Variants in OLA1 observed in about 807,000 individuals in gnomAD.
OLA1 encodes obg-like ATPase 1.
OLA1 carries 14 observed loss-of-function variants against 48.4 expected under a neutral mutation model. That is an observed-to-expected ratio of 0.29 (90% CI 0.19 to 0.45). The LOEUF (loss-of-function observed/expected upper bound fraction) is 0.45. Ranked by LOEUF, OLA1 falls within the 20% of genes least tolerant of loss-of-function variation. OLA1 has a pLI of 1.00. For missense variants in OLA1, 325 were observed against 467.1 expected (o/e 0.70, Z 2.80); for synonymous variants, 127 against 150.4 (o/e 0.84, Z 1.14).
chr2:174,196,705 T>C (rs762000138), intron 4 of OLA1, among the ~76,000 whole-genome samples: 14 of 152,244 alleles, frequency 9.2e-5, no homozygotes, highest in Non-Finnish European at 1.8e-4. Flanking sequence ...TGTTCAAATG[T>C]ATATGCTATG....
In OLA1 at chr2:174,247,565, C is replaced by T. The variant is rs917104240; in HGVS notation, c.1-750G>A. ...CAAAGAAAATTCCATTGTGGAACCA[C>T]CAGCAGCCAAGTCACCCTTCACACC... On this transcript the variant is annotated intron_variant, in intron 1 of 10. Coordinates refer to ENST00000284719, the MANE Select transcript of OLA1 (RefSeq NM_013341.5). 4.7e-6 allele frequency: 7 copies of T among 1,500,518 alleles called. No individual in the cohort carries two copies. In the African/African-American group the frequency reaches 9.8e-5, roughly 21 times the overall value. 93.0% of individuals were successfully genotyped at this position (1,500,518 alleles called of 1,614,324 possible). A position where few individuals can be genotyped will look rare whatever the true frequency, so the allele number is the denominator to read the frequency against.
intron 4 of OLA1, among the ~76,000 whole-genome samples, chr2:174,183,798 C>T (rs537389326): frequency 2.6e-5 from 4 of 152,276 alleles, no homozygotes; most frequent in African/African-American, 9.6e-5. Context: ...CTTGCAGAGT[C>T]CTGACCTCAA....
chr2:174,102,789 T>C (rs1685426282), intron 7 of OLA1, among the ~76,000 whole-genome samples: 1 of 152,230 alleles, frequency 6.6e-6, no homozygotes, highest in Non-Finnish European at 1.5e-5. Flanking sequence ...TTGTCTACAG[T>C]GGTAAATGCA....
At chr2:174,081,792 T>C in intron 8 of OLA1, 132 bp downstream of exon 8, 2 of 862,826 alleles carry the variant, frequency 2.3e-6, no homozygotes, top group Non-Finnish European at 3.6e-6. Context: ...TGTCTCATGG[T>C]AAAGAAAGGA....
At chr2:174,096,917 G>A (rs1222951014) in intron 7 of OLA1, among the ~76,000 whole-genome samples, 1 of 152,176 alleles carries the variant, frequency 6.6e-6, no homozygotes, top group Admixed American at 6.5e-5. Flanking sequence ...CAGCACTTTG[G>A]GAAGCCAAGG....
At chr2:174,210,232 T>C (rs1367287299) in intron 4 of OLA1, among the ~76,000 whole-genome samples, 1 of 152,182 alleles carries the variant, frequency 6.6e-6, no homozygotes, top group East Asian at 1.9e-4. Context: ...CTGTACAACA[T>C]ACATGTGCTA....
chr2:174,195,954 A>C (rs1687869980), intron 4 of OLA1, among the ~76,000 whole-genome samples: 1 of 152,168 alleles, frequency 6.6e-6, no homozygotes, highest in South Asian at 2.1e-4. Flanking sequence ...AAATAATGTC[A>C]ATATACTAGT....
chr2:174,214,396 A>T (rs1688315166), intron 4 of OLA1, among the ~76,000 whole-genome samples: 1 of 152,186 alleles, frequency 6.6e-6, no homozygotes, highest in Non-Finnish European at 1.5e-5. Context: ...CATTATTATA[A>T]TTGTAAGTTG....
intron 7 of OLA1, among the ~76,000 whole-genome samples, chr2:174,110,033 G>A (rs963157660): frequency 6.6e-6 from 1 of 150,388 alleles, no homozygotes; most frequent in East Asian, 2.0e-4. Flanking sequence ...TTTAGCTCCC[G>A]CTTATAAGTG....
chr2:174,244,345 G>A (rs1473569928), intron 2 of OLA1, among the ~76,000 whole-genome samples: 2 of 152,128 alleles, frequency 1.3e-5, no homozygotes, highest in Admixed American at 6.5e-5. Flanking sequence ...ACACTGGGAG[G>A]GGAAAGCATT....
chr2:174,216,936 T>C (rs1178554575), intron 4 of OLA1, among the ~76,000 whole-genome samples: 1 of 152,234 alleles, frequency 6.6e-6, no homozygotes, highest in Non-Finnish European at 1.5e-5. Context: ...TGTGTGTTAA[T>C]AGTTTATATT....
At chr2:174,226,628 T>A (rs1021212167) in intron 3 of OLA1, among the ~76,000 whole-genome samples, 7 of 152,072 alleles carry the variant, frequency 4.6e-5, no homozygotes, top group Non-Finnish European at 8.8e-5. Flanking sequence ...GCCTCCTGAG[T>A]AGCTGGGATT....
chr2:174,152,610 G>C lies in OLA1; in HGVS notation c.374-10610C>G, dbSNP rs190762412. 1.3e-3 allele frequency among the ~76,000 whole-genome samples: 196 copies of C among 152,252 alleles called. 3 individuals are homozygous for C. Among genetic ancestry groups the C allele is most frequent in the African/African-American group, 3.9e-3 (164 of 41,554 alleles). Reference sequence around the variant, plus strand: ...TCAGAGTTTGAAACAAATGAAAAGAGTCGTATTAATCAGTGAATATATATT... The same window carrying C: ...TCAGAGTTTGAAACAAATGAAAAGACTCGTATTAATCAGTGAATATATATT... On this transcript the variant is annotated intron_variant, in intron 4 of 10. Coordinates refer to ENST00000284719, the MANE Select transcript of OLA1 (RefSeq NM_013341.5).
At position 174,078,945 on chromosome 2, in the gene OLA1, C is replaced by T. The variant is rs1220847636; in HGVS notation, c.1089+23G>A. 3.2e-6 allele frequency: 5 copies of T among 1,587,122 alleles called. 1 individual carries two copies. In the South Asian group the frequency reaches 5.8e-5, roughly 18 times the overall value. On this transcript the variant is annotated intron_variant, in intron 10 of 10. Coordinates refer to ENST00000284719, the MANE Select transcript of OLA1 (RefSeq NM_013341.5). Reference sequence around the variant, plus strand: ...GCATCAGTGGAAACATTGTGAAATACAAAAATAAAAACAATTCTTTACCTT... The same window carrying T: ...GCATCAGTGGAAACATTGTGAAATATAAAAATAAAAACAATTCTTTACCTT...
intron 10 of OLA1, among the ~76,000 whole-genome samples, chr2:174,078,152 T>C (rs147756508): frequency 6.6e-6 from 1 of 152,106 alleles, no homozygotes; most frequent in East Asian, 1.9e-4. Flanking sequence ...AAAGTAAACC[T>C]GAAATAAACT....
chr2:174,212,604 A>G (rs1212328411), intron 4 of OLA1, among the ~76,000 whole-genome samples: 1 of 152,230 alleles, frequency 6.6e-6, no homozygotes, highest in Non-Finnish European at 1.5e-5. Flanking sequence ...TCTTGTAATA[A>G]CAATTAGCTT....
intron 4 of OLA1, among the ~76,000 whole-genome samples, chr2:174,143,198 T>G (rs1333851039): frequency 6.6e-6 from 1 of 152,210 alleles, no homozygotes; most frequent in Admixed American, 6.5e-5. Context: ...AGTATAGGTA[T>G]GTAAAGCAAT....
intron 4 of OLA1, among the ~76,000 whole-genome samples, chr2:174,163,685 T>C (rs1687065765): frequency 8.3e-6 from 1 of 119,776 alleles, no homozygotes; most frequent in Non-Finnish European, 1.7e-5. Flanking sequence ...AACGAGACCT[T>C]GTCTCAAAAA....
chr2:174,136,472 T>C (rs1227497444), intron 5 of OLA1, among the ~76,000 whole-genome samples: 1 of 152,194 alleles, frequency 6.6e-6, no homozygotes, highest in Non-Finnish European at 1.5e-5. Context: ...ATTCAAGTTT[T>C]ATCATGAGAT....
Sources: allele counts gnomAD v4.1 joint callset (sites outside exome capture counted in the v4.1 genomes callset), GRCh38; gene constraint gnomAD v4.1.1; transcripts MANE v1.5; gene names NCBI Gene and HGNC (gene_info 2026-07-23, HGNC 2026-07-21).